ITPR2: variants seen among roughly 807,000 people sequenced by gnomAD.
ITPR2 encodes the protein inositol 1,4,5-trisphosphate receptor type 2.
ITPR2 carries 207 observed loss-of-function variants against 317.1 expected under a neutral mutation model. That is an observed-to-expected ratio of 0.65 (90% confidence interval 0.58 to 0.73). ITPR2 has a LOEUF of 0.73. Ranked by LOEUF, ITPR2 falls within the 30% of genes least tolerant of loss-of-function variation. The probability of loss-of-function intolerance (pLI) is 0.00; values close to 1 mark genes in which losing one functional copy is unlikely to be tolerated. For synonymous variants in ITPR2, 1,156 were observed against 1,149.1 expected, an observed-to-expected ratio of 1.01 and a Z score of -0.12; for missense variants, 2,613 against 3,284.0, an observed-to-expected ratio of 0.80 and a Z score of 4.99.
rs11537364 is a variant in ITPR2, at chr12:26,779,948, C to T, written c.163+10209G>A. The stretch of plus-strand genomic sequence containing the variant: ...TCTGAGTGGTCAAAAACTGTGAAGA[C>T]GTTTGTATCCCATGTGAGTGCTCAC... On this transcript the variant is annotated intron_variant, in intron 2 of 56. Coordinates refer to ENST00000381340, the MANE Select transcript of ITPR2 (RefSeq NM_002223.4). Among the ~76,000 whole-genome samples, 117 of 152,260 alleles carry T rather than the reference C, an allele frequency of 7.7e-4. No homozygotes were observed. In the East Asian group the frequency reaches 0.016, roughly 21 times the overall value.
intron 1 of ITPR2, among the ~76,000 whole-genome samples, chr12:26,799,238 C>T (rs1014944247): frequency 6.6e-6 from 1 of 152,138 alleles, no homozygotes; most frequent in African/African-American, 2.4e-5. Context: ...TTAACCTATA[C>T]CCACACATAA....
intron 33 of ITPR2, among the ~76,000 whole-genome samples, 159 bp from the exon 34 acceptor site, chr12:26,578,992 T>G (rs575234594): frequency 2.4e-4 from 37 of 152,334 alleles, no homozygotes; most frequent in Admixed American, 1.6e-3. Context: ...GAAACATTTA[T>G]TAGATACTCT....
intron 37 of ITPR2, among the ~76,000 whole-genome samples, chr12:26,543,438 C>T (rs1272632154): frequency 1.3e-5 from 2 of 151,914 alleles, no homozygotes; most frequent in East Asian, 3.9e-4. Context: ...AAGAGAGTGT[C>T]ATGGAAATAA....
At chr12:26,526,225 T>C (rs998401658) in intron 37 of ITPR2, among the ~76,000 whole-genome samples, 2 of 152,022 alleles carry the variant, frequency 1.3e-5, no homozygotes, top group African/African-American at 4.8e-5. Flanking sequence ...AATGAATAAA[T>C]GTTGTAATAG....
chr12:26,700,184 G>A (rs949299295), intron 9 of ITPR2, among the ~76,000 whole-genome samples: 13 of 152,184 alleles, frequency 8.5e-5, no homozygotes, highest in African/African-American at 3.1e-4. Context: ...TAGGTCAGAG[G>A]AAGGAGGGAT....
At chr12:26,734,063 C>A (rs141954962) in intron 2 of ITPR2, among the ~76,000 whole-genome samples, 1 of 152,132 alleles carries the variant, frequency 6.6e-6, no homozygotes, top group African/African-American at 2.4e-5. Context: ...ACTTCCATAG[C>A]GTCTCCTTTT....
At chr12:26,547,001 T>C (rs1944405964) in intron 37 of ITPR2, among the ~76,000 whole-genome samples, 2 of 152,100 alleles carry the variant, frequency 1.3e-5, no homozygotes, top group Non-Finnish European at 2.9e-5. Flanking sequence ...GCAAATAATT[T>C]ATGGCTAAGA....
chr12:26,526,742 A>T (rs80195144), intron 37 of ITPR2, among the ~76,000 whole-genome samples: 2,014 of 152,296 alleles, frequency 0.013, 45 homozygotes, highest in African/African-American at 0.046. Flanking sequence ...ACGGGTTTAG[A>T]CAAGGGGGTG....
chr12:26,565,002 T>G (rs974061321), intron 34 of ITPR2, among the ~76,000 whole-genome samples: 8 of 152,218 alleles, frequency 5.3e-5, no homozygotes, highest in East Asian at 1.9e-4. Flanking sequence ...CTTATCATCA[T>G]CAGCATTGAA....
At position 26,696,835 on chromosome 12, in the gene ITPR2, T is replaced by C. The variant is rs79491948; in HGVS notation, c.952-1185A>G. 8.6e-3 allele frequency among the ~76,000 whole-genome samples: 1,317 copies of C among 152,266 alleles called. 20 individuals are homozygous for C. Among genetic ancestry groups the C allele is most frequent in the African/African-American group, 0.029 (1,220 of 41,548 alleles). ...GACCAAAAACCTATAGAGAAGAGTT[T>C]CTCTATCACTGGCAAGCTGCCATGA... On this transcript the variant is annotated intron_variant, in intron 9 of 56. Transcript: ENST00000381340.
intron 34 of ITPR2, among the ~76,000 whole-genome samples, chr12:26,575,875 G>A (rs984452464): frequency 6.6e-6 from 1 of 152,156 alleles, no homozygotes; most frequent in African/African-American, 2.4e-5. Context: ...GTGGCTCCAA[G>A]TTCTTTTTCT....
chr12:26,719,752 G>A lies in ITPR2; in HGVS notation c.525+2645C>T, dbSNP rs7977079. 5.3e-5 allele frequency among the ~76,000 whole-genome samples: 8 copies of A among 151,794 alleles called. No homozygotes were observed. In the South Asian group the frequency reaches 6.2e-4, roughly 12 times the overall value. ...ATATCTCCTAATGCTATCCCTCCCC[G>A]CTCTCCCCACCCCACAACAGTCCCT... is the stretch of plus-strand genomic sequence containing the variant. On this transcript the variant is annotated intron_variant, in intron 5 of 56. Transcript: ENST00000381340.
chr12:26,709,272 C>A (rs1335440082), intron 9 of ITPR2, among the ~76,000 whole-genome samples: 1 of 152,146 alleles, frequency 6.6e-6, no homozygotes, highest in African/African-American at 2.4e-5. Flanking sequence ...CAGATATGTG[C>A]TTAATACTTA....
intron 54 of ITPR2, among the ~76,000 whole-genome samples, chr12:26,391,174 G>A (rs1157962159): frequency 6.6e-6 from 1 of 152,182 alleles, no homozygotes; most frequent in Non-Finnish European, 1.5e-5. Flanking sequence ...CAACTATAAA[G>A]ATGTCTAAAT....
chr12:26,429,635 AG>A (rs1181439019), intron 48 of ITPR2, among the ~76,000 whole-genome samples: 1 of 152,220 alleles, frequency 6.6e-6, no homozygotes, highest in East Asian at 1.9e-4. Flanking sequence ...TAAAAGGATG[AG>A]GGCCATCTCT....
intron 54 of ITPR2, among the ~76,000 whole-genome samples, chr12:26,391,509 G>C (rs1473975103): frequency 6.7e-6 from 1 of 149,470 alleles, no homozygotes; most frequent in Non-Finnish European, 1.5e-5. Flanking sequence ...CAAAGCTAAG[G>C]CATCTGTATT....
At chr12:26,570,631 T>C (rs1490318963) in intron 34 of ITPR2, among the ~76,000 whole-genome samples, 1 of 152,208 alleles carries the variant, frequency 6.6e-6, no homozygotes, top group African/African-American at 2.4e-5. Flanking sequence ...ACTTGGAAAA[T>C]AGATTATGTT....
Position 26,661,671 on chromosome 12 carries a change from T to C in ITPR2, c.1713+2014A>G, listed in dbSNP as rs144356149. Among the ~76,000 whole-genome samples, 105 of 152,240 alleles carry C rather than the reference T, an allele frequency of 6.9e-4. 2 individuals carry two copies. Among genetic ancestry groups the C allele is most frequent in the African/African-American group, 2.2e-4 (9 of 41,542 alleles). On this transcript the variant is annotated intron_variant, in intron 15 of 56. Coordinates refer to ENST00000381340, the MANE Select transcript of ITPR2 (RefSeq NM_002223.4). ...TTTCTGTTAATGTCAATCTCTATAATACAGCACTGCTCGTACGGGTGAAGT... is the reference window on the plus strand; with the variant it reads ...TTTCTGTTAATGTCAATCTCTATAACACAGCACTGCTCGTACGGGTGAAGT...
intron 49 of ITPR2, among the ~76,000 whole-genome samples, chr12:26,424,586 G>GTTTTTTTTTTTTTTTTTTTTTTTT (rs775756580): frequency 1.1e-5 from 1 of 88,706 alleles, no homozygotes; most frequent in African/African-American, 4.6e-5. Flanking sequence ...TTCGTTTTGT[G>GTTTTTTTTTTTTTTTTTTTTTTTT]TTTTTTTTTT....
Sources: allele counts gnomAD v4.1 joint callset (sites outside exome capture counted in the v4.1 genomes callset), GRCh38; gene constraint gnomAD v4.1.1; transcripts MANE v1.5; gene names NCBI Gene and HGNC (gene_info 2026-07-23, HGNC 2026-07-21).